The following RNF111 variants were observed in gnomAD, a reference collection of about 807,000 sequenced individuals.
RNF111 encodes E3 ubiquitin-protein ligase Arkadia.
Under a neutral mutation model 95.1 loss-of-function variants are expected in RNF111, and 17 were observed. The ratio of observed to expected loss-of-function variants is 0.18; its 90% CI spans 0.12 to 0.27. The LOEUF (loss-of-function observed/expected upper bound fraction) is 0.27. Among genes scored for constraint, RNF111 ranks in the 10% least tolerant of loss-of-function variants. RNF111 has a pLI of 1.00. For synonymous variants in RNF111, 440 were observed against 414.8 expected, an observed-to-expected ratio of 1.06 and a Z score of -0.74; for missense variants, 1,189 against 1,210.4, an observed-to-expected ratio of 0.98 and a Z score of 0.26.
At position 59,068,407 on chromosome 15, in the gene RNF111, G is replaced by A. The variant is rs1470050540; in HGVS notation, c.1686+1324G>A. On this transcript the variant is annotated intron_variant, in intron 6 of 13. Transcript: ENST00000348370. ...GGATCACCTGAGGTCAGAAGTTCAAGACCAGCCTGGCCAACATGGTGAAAT... is the reference window on the plus strand; with the variant it reads ...GGATCACCTGAGGTCAGAAGTTCAAAACCAGCCTGGCCAACATGGTGAAAT... Among the ~76,000 whole-genome samples the A allele has an allele frequency of 2.0e-5, 3 of 152,180 alleles. No individual in the cohort carries two copies. The East Asian group carries it at 5.8e-4, about 29-fold the overall frequency.
chr15:59,084,415 G>A lies in RNF111; in HGVS notation c.2423+161G>A, dbSNP rs1178572345. The A allele has an allele frequency of 7.1e-6, 4 of 565,224 alleles. No homozygotes were observed. The Admixed American group carries it at 1.7e-4, about 24-fold the overall frequency. 35.0% of individuals were successfully genotyped at this position (565,224 alleles called of 1,614,324 possible). On this transcript the variant is annotated intron_variant, in intron 9 of 13. Coordinates refer to ENST00000348370, the MANE Select transcript of RNF111 (RefSeq NM_017610.8). ...CTCTGGGCAGATAGAGGTTTGGAGA[G>A]GAAAGAATAGGAGCTGGGGCAGGGA...
In RNF111 at chr15:59,096,089, G is replaced by A. The variant is rs759423189; in HGVS notation, c.*1189G>A. 8 of 398,378 alleles carry A rather than the reference G, an allele frequency of 2.0e-5. No individual in the cohort carries two copies. Among genetic ancestry groups the A allele is most frequent in the Admixed American group, 4.4e-5 (1 of 22,704 alleles). The allele number at this position is 398,378 out of a possible 1,614,324, so 24.7% of individuals were successfully genotyped here. Reference sequence around the variant, plus strand: ...CCCACTTCATACATTACCAAGAGTCGATCACTGATTTAAAATTTTTAATTT... The same window carrying A: ...CCCACTTCATACATTACCAAGAGTCAATCACTGATTTAAAATTTTTAATTT... On this transcript the variant is annotated 3_prime_UTR_variant, in exon 14 of 14. Coordinates refer to ENST00000348370, the MANE Select transcript of RNF111 (RefSeq NM_017610.8).
intron 1 of RNF111, among the ~76,000 whole-genome samples, chr15:59,012,288 A>C (rs886944287): frequency 6.6e-6 from 1 of 151,766 alleles, no homozygotes; most frequent in Non-Finnish European, 1.5e-5. Flanking sequence ...CAAAATGTTG[A>C]GATTACAGGC....
At chr15:59,081,714 T>C (rs925375688) in intron 8 of RNF111, among the ~76,000 whole-genome samples, 28 of 151,952 alleles carry the variant, frequency 1.8e-4, no homozygotes, top group African/African-American at 5.8e-4. Flanking sequence ...CAAGACCCTG[T>C]GTCCTTTAAC....
In RNF111 at chr15:59,096,014, T is replaced by C. The variant is rs3751539; in HGVS notation, c.*1114T>C. The C allele has an allele frequency of 2.3e-3, 917 of 398,662 alleles. 16 individuals are homozygous for C. The East Asian group carries it at 0.027, about 12-fold the overall frequency. The allele number at this position is 398,662 out of a possible 1,614,324, so 24.7% of individuals were successfully genotyped here. A position where few individuals can be genotyped will look rare whatever the true frequency, so the allele number is the denominator to read the frequency against. On this transcript the variant is annotated 3_prime_UTR_variant, in exon 14 of 14. Coordinates refer to ENST00000348370, the MANE Select transcript of RNF111 (RefSeq NM_017610.8). The stretch of plus-strand genomic sequence containing the variant: ...TTGAAAACAGTAAATCTGCAGATAC[T>C]GTGAGGCACAAATTATACTGTCAAC...
chr15:59,028,521 C>CA (rs1167263332), intron 1 of RNF111, among the ~76,000 whole-genome samples: 2 of 152,186 alleles, frequency 1.3e-5, no homozygotes, highest in African/African-American at 4.8e-5. Context: ...GTCTCTCTCT[C>CA]ATAGTGTGAG....
At chr15:59,077,104 A>G (rs895018921) in intron 7 of RNF111, among the ~76,000 whole-genome samples, 1 of 138,406 alleles carries the variant, frequency 7.2e-6, no homozygotes, top group African/African-American at 2.7e-5. Context: ...TATAAATTGG[A>G]AAACATTTAG....
At chr15:59,045,321 G>C (rs1335678147) in intron 2 of RNF111, among the ~76,000 whole-genome samples, 1 of 151,866 alleles carries the variant, frequency 6.6e-6, no homozygotes, top group Non-Finnish European at 1.5e-5. Context: ...CTCCCGAGTA[G>C]CTGGGACTAC....
At chr15:59,015,802 C>T (rs2040037482) in intron 1 of RNF111, among the ~76,000 whole-genome samples, 1 of 151,916 alleles carries the variant, frequency 6.6e-6, no homozygotes, top group Non-Finnish European at 1.5e-5. Flanking sequence ...CCTTAATTGC[C>T]TCGTTTTGTT....
chr15:59,081,115 C>T lies in RNF111; in HGVS notation c.2128C>T (p.Pro710Ser). The T allele has an allele frequency of 6.2e-7, 1 of 1,614,126 alleles. No homozygotes were observed. Among genetic ancestry groups the T allele is most frequent in the Non-Finnish European group, 8.5e-7 (1 of 1,180,030 alleles). Residue 710 changes from proline to serine, a missense_variant, in exon 8 of 14, where the codon CCA (proline) becomes TCA (serine). This residue lies in a region of RNF111 where 1,024 missense variants were observed against 925.9 expected (regional missense o/e 1.11). Transcript: ENST00000348370. Reference protein sequence around the residue: ...ATSHPVAPPPPTHLASTAAPI... With the variant: ...ATSHPVAPPPSTHLASTAAPI... ...ATCTCATCCTGTGGCACCCCCACCA[C>T]CAACTCACTTAGCCAGTACAGCTGC...
chr15:59,058,662 A>G, intron 5 of RNF111, 112 bp downstream of exon 5: 1 of 929,824 alleles, frequency 1.1e-6, no homozygotes, highest in Non-Finnish European at 1.7e-6. Flanking sequence ...GTATTCTTAC[A>G]TTATAATAAA....
chr15:59,093,093 A>G (rs986749717), intron 13 of RNF111, among the ~76,000 whole-genome samples: 3 of 152,250 alleles, frequency 2.0e-5, no homozygotes, highest in Non-Finnish European at 4.4e-5. Context: ...AACTGGCTTC[A>G]TCTGGCGAGT....
At chr15:59,078,858 CAAAAG>C (rs1303225655) in intron 7 of RNF111, among the ~76,000 whole-genome samples, 1 of 121,666 alleles carries the variant, frequency 8.2e-6, no homozygotes, top group Non-Finnish European at 1.7e-5. Context: ...GTCTCCCTCT[CAAAAG>C]AAGAAAAAAA....
intron 7 of RNF111, among the ~76,000 whole-genome samples, chr15:59,080,031 G>C (rs1288746831): frequency 6.7e-6 from 1 of 149,704 alleles, no homozygotes; most frequent in Non-Finnish European, 1.5e-5. Context: ...AAGCGGTCAA[G>C]AAATAAAAGA....
At chr15:59,002,734 C>G (rs987646148) in intron 1 of RNF111, among the ~76,000 whole-genome samples, 1 of 152,200 alleles carries the variant, frequency 6.6e-6, no homozygotes, top group African/African-American at 2.4e-5. Flanking sequence ...TCTACCTGAT[C>G]TGGCCCTGAC....
chr15:59,091,184 G>A, intron 12 of RNF111, 30 bp downstream of exon 12: 1 of 1,324,976 alleles, frequency 7.5e-7, no homozygotes, highest in South Asian at 1.2e-5. Flanking sequence ...AACTTCTGGA[G>A]TGTTACTGAA....
chr15:58,997,166 C>A (rs1183962201), intron 1 of RNF111, among the ~76,000 whole-genome samples: 1 of 151,930 alleles, frequency 6.6e-6, no homozygotes, highest in African/African-American at 2.4e-5. Context: ...GGAAAAAAAA[C>A]AAGGCTCCTT....
intron 1 of RNF111, among the ~76,000 whole-genome samples, chr15:58,992,704 C>T (rs2038872422): frequency 6.6e-6 from 1 of 152,012 alleles, no homozygotes; most frequent in Non-Finnish European, 1.5e-5. Flanking sequence ...CCTGTAGTCC[C>T]AGCTACTCGG....
At chr15:59,072,897 A>AG (rs1281324488) in intron 6 of RNF111, among the ~76,000 whole-genome samples, 4 of 151,680 alleles carry the variant, frequency 2.6e-5, no homozygotes, top group African/African-American at 9.7e-5. Context: ...AAAAAAACAA[A>AG]ACACTTCCAG....
Sources: allele counts gnomAD v4.1 joint callset (sites outside exome capture counted in the v4.1 genomes callset), GRCh38; gene constraint gnomAD v4.1.1; regional missense constraint gnomAD v4.1.1; transcripts MANE v1.5; gene names NCBI Gene and HGNC (gene_info 2026-07-23, HGNC 2026-07-21).